The following PRDM16 variants were observed in gnomAD, a reference collection of about 807,000 sequenced individuals.
PRDM16 encodes the protein histone-lysine N-methyltransferase PRDM16.
In PRDM16, 23 loss-of-function variants were observed where a neutral mutation model predicts 110.6. The observed-to-expected ratio is 0.21, with a 90% CI of 0.15 to 0.29. The LOEUF (loss-of-function observed/expected upper bound fraction) is 0.29, where lower values mean the gene tolerates loss of function less well. Ranked by LOEUF, PRDM16 falls within the 10% of genes least tolerant of loss-of-function variation. The pLI is 1.00. For missense variants in PRDM16, 1,615 were observed against 1,794.3 expected, an observed-to-expected ratio of 0.90 and a Z score of 1.81; for synonymous variants, 799 against 781.8, an observed-to-expected ratio of 1.02 and a Z score of -0.37.
chr1:3,281,741 T>A (rs1640715172), intron 3 of PRDM16, among the ~76,000 whole-genome samples: 1 of 152,232 alleles, frequency 6.6e-6, no homozygotes, highest in African/African-American at 2.4e-5. Context: ...CTGATTGGGT[T>A]CATTGATGAG....
intron 3 of PRDM16, among the ~76,000 whole-genome samples, chr1:3,312,365 C>G (rs1641482161): frequency 6.6e-6 from 1 of 152,192 alleles, no homozygotes; most frequent in African/African-American, 2.4e-5. Flanking sequence ...ATGAGGATCA[C>G]TGGGACAGGC....
chr1:3,409,770 GTT>G (rs1643640918), intron 8 of PRDM16, among the ~76,000 whole-genome samples: 1 of 140,226 alleles, frequency 7.1e-6, no homozygotes, highest in Non-Finnish European at 1.5e-5. Context: ...AGTGTGTGTG[GTT>G]GTGTGTGGGT....
At chr1:3,165,625 G>T (rs1375842413) in intron 1 of PRDM16, among the ~76,000 whole-genome samples, 14 of 83,316 alleles carry the variant, frequency 1.7e-4, no homozygotes, top group South Asian at 4.5e-4. Flanking sequence ...TCAGGGACAG[G>T]GACTCACCTG....
chr1:3,170,504 G>A (rs1449458966), intron 1 of PRDM16, among the ~76,000 whole-genome samples: 1 of 152,232 alleles, frequency 6.6e-6, no homozygotes, highest in Non-Finnish European at 1.5e-5. Context: ...CTGGCCCCGA[G>A]AGCCGGAGCC....
intron 2 of PRDM16, among the ~76,000 whole-genome samples, chr1:3,237,668 A>T (rs1639567884): frequency 6.6e-6 from 1 of 152,212 alleles, no homozygotes; most frequent in Non-Finnish European, 1.5e-5. Flanking sequence ...ATCATCTCAC[A>T]GGAAGGGAGA....
At chr1:3,371,098 T>G (rs1642897540) in intron 3 of PRDM16, among the ~76,000 whole-genome samples, 1 of 147,318 alleles carries the variant, frequency 6.8e-6, no homozygotes, top group South Asian at 2.3e-4. Flanking sequence ...CATCCATGCA[T>G]CCACTCAGTA....
At position 3,186,333 on chromosome 1, in the gene PRDM16, A is replaced by T. The variant is rs765564758; in HGVS notation, c.246A>T (p.Ala82=). 6 of 1,612,386 alleles carry T rather than the reference A, an allele frequency of 3.7e-6. No individual in the cohort carries two copies. In the Admixed American group the frequency reaches 6.7e-5, roughly 18 times the overall value. ...TTCCTGAAGACATTCCGATCCCAGC[A>T]GACTTCGAGCTCCGAGAGTCCTCCA... ...VYIPEDIPIP[A]DFELRESSIP... is the part of the protein sequence containing the mutation. Residue 82 remains alanine, a synonymous_variant, in exon 2 of 17, where the codon GCA becomes GCT. Transcript: ENST00000270722.
intron 3 of PRDM16, among the ~76,000 whole-genome samples, chr1:3,271,097 G>A (rs1200193613): frequency 6.6e-6 from 1 of 152,226 alleles, no homozygotes; most frequent in African/African-American, 2.4e-5. Flanking sequence ...GCATGCAGGG[G>A]ATATGCGGTG....
intron 2 of PRDM16, among the ~76,000 whole-genome samples, chr1:3,238,355 A>G (rs1639585435): frequency 6.6e-6 from 1 of 151,952 alleles, no homozygotes; most frequent in South Asian, 2.1e-4. Flanking sequence ...CTGTGTAAAT[A>G]TTTTTCTTAG....
chr1:3,222,201 G>T (rs1639165749), intron 2 of PRDM16, among the ~76,000 whole-genome samples: 1 of 152,222 alleles, frequency 6.6e-6, no homozygotes, highest in Non-Finnish European at 1.5e-5. Flanking sequence ...CAGCCAGAGG[G>T]CTGCCCACGT....
intron 2 of PRDM16, among the ~76,000 whole-genome samples, chr1:3,200,506 C>G (rs1382229138): frequency 6.6e-6 from 1 of 152,114 alleles, no homozygotes; most frequent in Non-Finnish European, 1.5e-5. Flanking sequence ...CCACGCCTGG[C>G]TAATTTTTTG....
chr1:3,209,799 A>G lies in PRDM16; in HGVS notation c.387+23325A>G, dbSNP rs986694357. ...GAGCACGACAGCCAGGACTTGGTCC[A>G]GCGTTTTCCAAACTGGCAGAACCCG... On this transcript the variant is annotated intron_variant, in intron 2 of 16. Coordinates refer to ENST00000270722, the MANE Select transcript of PRDM16 (RefSeq NM_022114.4). This position sits in a 1 kb window ranked among gnomAD's most constrained non-coding sequence, Gnocchi z 4.6. Among the ~76,000 whole-genome samples the G allele has an allele frequency of 1.3e-5, 2 of 152,206 alleles. No homozygotes were observed. Among genetic ancestry groups the G allele is most frequent in the African/African-American group, 4.8e-5 (2 of 41,452 alleles).
At chr1:3,351,621 T>A (rs1446914203) in intron 3 of PRDM16, among the ~76,000 whole-genome samples, 2 of 50,860 alleles carry the variant, frequency 3.9e-5, no homozygotes, top group Non-Finnish European at 4.0e-5. Context: ...TCCCCCTCCC[T>A]CTCTCCCCCT....
Position 3,433,821 on chromosome 1 carries a change from C to A in PRDM16, c.*10C>A. On this transcript the variant is annotated 3_prime_UTR_variant, in exon 17 of 17. Transcript: ENST00000270722. The stretch of plus-strand genomic sequence containing the variant: ...CATCAACCACCTCTGACGGGCTGGG[C>A]AGCCGGGGGCCGGTGGCCAGAGCGA... 6.2e-7 allele frequency: 1 copy of A among 1,611,908 alleles called. No homozygotes were observed. Among genetic ancestry groups the A allele is most frequent in the Middle Eastern group, 1.7e-4 (1 of 6,056 alleles).
intron 1 of PRDM16, among the ~76,000 whole-genome samples, chr1:3,075,619 T>G (rs1287756798): frequency 5.9e-5 from 9 of 152,238 alleles, no homozygotes; most frequent in Admixed American, 4.6e-4. Context: ...TTAAAATAAT[T>G]TATAATCATT....
rs758654133 is a variant in PRDM16, at chr1:3,425,685, G to A, written c.3044G>A (p.Arg1015His). The change falls in exon 13 of 17, where the codon CGC (arginine) becomes CAC (histidine). Residue 1015 changes from arginine to histidine, a missense_variant. Physicochemically the swap from Arg to His is conservative, Grantham distance 29 (BLOSUM62 0). Coordinates refer to ENST00000270722, the MANE Select transcript of PRDM16 (RefSeq NM_022114.4). The surrounding 1 kb of genome is among the most constrained non-coding windows in gnomAD (Gnocchi z 6.9). ...CCTTTCAAGTGCCACCTGTGCAACC[G>A]CTGCTTCGGGCAGCAGACCAACCTG... ...EKPFKCHLCN[R>H]CFGQQTNLDR... 3.0e-5 allele frequency: 48 copies of A among 1,613,816 alleles called. No individual in the cohort carries two copies. The highest frequency in any genetic ancestry group is 3.9e-5 in the Non-Finnish European group (46 of 1,179,970).
In PRDM16 at chr1:3,418,016, C is replaced by T; in HGVS notation, c.2861+19C>T. The T allele has an allele frequency of 1.2e-6, 2 of 1,602,372 alleles. No individual in the cohort carries two copies. The highest frequency in any genetic ancestry group is 1.1e-5 in the South Asian group (1 of 90,374). The stretch of plus-strand genomic sequence containing the variant: ...CGTGCAGGTGAGGGGCCCTTTGGTG[C>T]TGCTGGGACAGCCCTGGCGGGGCTC... On this transcript the variant is annotated intron_variant, in intron 11 of 16. Transcript: ENST00000270722.
At chr1:3,114,216 C>G (rs376480607) in intron 1 of PRDM16, among the ~76,000 whole-genome samples, 1 of 126,800 alleles carries the variant, frequency 7.9e-6, no homozygotes, top group Non-Finnish European at 1.6e-5. Flanking sequence ...CACACGCACA[C>G]GAACACACAC....
intron 5 of PRDM16, among the ~76,000 whole-genome samples, 183 bp from the exon 6 acceptor site, chr1:3,402,608 G>A (rs376123184): frequency 6.6e-6 from 1 of 152,156 alleles, no homozygotes; most frequent in East Asian, 1.9e-4. Flanking sequence ...GACTCCACAT[G>A]CCTGTTTCCA....
Sources: gnomAD v4.1 joint callset for allele counts (sites outside exome capture counted in the v4.1 genomes callset) on GRCh38, gnomAD v4.1.1 for gene constraint, Gnocchi (gnomAD v3.1) non-coding constraint, MANE v1.5 for transcripts, NCBI Gene and HGNC (gene_info 2026-07-23, HGNC 2026-07-21) for gene names.